CECR2: variants seen among roughly 807,000 people sequenced by gnomAD.
CECR2 encodes the protein CECR2 histone acetyl-lysine reader.
A neutral mutation model predicts 154.5 loss-of-function variants in CECR2; 30 were observed. The ratio of observed to expected loss-of-function variants is 0.19; its 90% CI spans 0.15 to 0.26. The LOEUF (loss-of-function observed/expected upper bound fraction) is 0.26. Among genes scored for constraint, CECR2 ranks in the 10% least tolerant of loss-of-function variants. CECR2 has a pLI of 1.00. For synonymous variants in CECR2, 725 were observed against 683.7 expected, an observed-to-expected ratio of 1.06 and a Z score of -0.94; for missense variants, 1,743 against 1,829.3, an observed-to-expected ratio of 0.95 and a Z score of 0.86.
At chr22:17,383,746 A>G (rs1224111422) in intron 1 of CECR2, among the ~76,000 whole-genome samples, 2 of 149,612 alleles carry the variant, frequency 1.3e-5, no homozygotes, top group Non-Finnish European at 3.0e-5. Flanking sequence ...CTCACTGCAA[A>G]CTCCGCTTCC....
chr22:17,437,206 C>A (rs1467463036), intron 1 of CECR2, among the ~76,000 whole-genome samples: 1 of 152,106 alleles, frequency 6.6e-6, no homozygotes, highest in African/African-American at 2.4e-5. Context: ...TTCCCCTTCC[C>A]CCTTGGCCTC....
At chr22:17,422,978 A>G (rs1478891088) in intron 1 of CECR2, among the ~76,000 whole-genome samples, 2 of 152,064 alleles carry the variant, frequency 1.3e-5, no homozygotes, top group African/African-American at 4.8e-5. Flanking sequence ...CCTGCCTCAT[A>G]ATTCCACTTC....
rs2056768710 is a variant in CECR2, at chr22:17,556,019, T to C, written c.*3179T>C. On this transcript the variant is annotated 3_prime_UTR_variant, in exon 19 of 19. Transcript: ENST00000262608. ...AAAAATAGTTTTTAATTCAGCTACT[T>C]TTTCCCCTCAGTTAAAAGGTAGCAG... 1 of 152,160 alleles carries C rather than the reference T, an allele frequency of 6.6e-6. No individual in the cohort carries two copies. The highest frequency in any genetic ancestry group is 6.6e-5 in the Admixed American group (1 of 15,262). The allele number at this position is 152,160 out of a possible 1,614,324, so 9.4% of individuals were successfully genotyped here. A position where few individuals can be genotyped will look rare whatever the true frequency, so the allele number is the denominator to read the frequency against.
At chr22:17,496,183 T>G (rs1179303021) in intron 2 of CECR2, among the ~76,000 whole-genome samples, 1 of 152,030 alleles carries the variant, frequency 6.6e-6, no homozygotes, top group Non-Finnish European at 1.5e-5. Context: ...CTGGGCAACA[T>G]GCTGAGACCC....
rs767178491 is a variant in CECR2, at chr22:17,548,856, C to T, written c.3569C>T (p.Pro1190Leu). Residue 1190 changes from proline (P) to leucine (L), a missense_variant, in exon 17 of 19, where the codon CCA becomes CTA. Transcript: ENST00000262608. ...ATGAGGTATTCCTACCACCCACCGC[C>T]ACAGCCTTCCTACCACCACTATCAG... Reference protein sequence around the residue: ...QGMRYSYHPPPQPSYHHYQRT... With the variant: ...QGMRYSYHPPLQPSYHHYQRT... 58 of 1,613,494 alleles carry T rather than the reference C, an allele frequency of 3.6e-5. No individual in the cohort carries two copies. The highest frequency in any genetic ancestry group is 4.6e-5 in the Non-Finnish European group (54 of 1,179,602).
At chr22:17,370,443 C>G (rs1159281502) in intron 1 of CECR2, among the ~76,000 whole-genome samples, 2 of 151,676 alleles carry the variant, frequency 1.3e-5, no homozygotes, top group East Asian at 1.9e-4. Flanking sequence ...CCCAAGCTCC[C>G]GGGAGGCGCT....
At chr22:17,445,076 T>A (rs1346693605) in intron 1 of CECR2, among the ~76,000 whole-genome samples, 1 of 152,244 alleles carries the variant, frequency 6.6e-6, no homozygotes, top group East Asian at 1.9e-4. Context: ...TGCTTTTGAA[T>A]ACTATAGTAC....
intron 1 of CECR2, among the ~76,000 whole-genome samples, chr22:17,385,968 T>C (rs1210752310): frequency 6.6e-6 from 1 of 152,198 alleles, no homozygotes; most frequent in Admixed American, 6.5e-5. Flanking sequence ...TATTTTTGGC[T>C]GCGAATGATG....
chr22:17,475,711 G>T (rs952095706), intron 1 of CECR2, among the ~76,000 whole-genome samples: 3 of 152,172 alleles, frequency 2.0e-5, no homozygotes, highest in African/African-American at 7.2e-5. Context: ...TGGCTTTGAA[G>T]ATTTTGCTTC....
intron 8 of CECR2, among the ~76,000 whole-genome samples, chr22:17,521,753 T>G (rs1420083130): frequency 7.2e-4 from 105 of 145,864 alleles, no homozygotes; most frequent in East Asian, 1.4e-3. Context: ...CTCTTTAGTT[T>G]AATTAGATCC....
chr22:17,482,242 G>A (rs1402534819), intron 2 of CECR2, among the ~76,000 whole-genome samples: 1 of 150,448 alleles, frequency 6.6e-6, no homozygotes, highest in Non-Finnish European at 1.5e-5. Flanking sequence ...GGCTAACATG[G>A]TGAAACCCCG....
At chr22:17,416,565 G>A (rs181999760) in intron 1 of CECR2, among the ~76,000 whole-genome samples, 2 of 152,188 alleles carry the variant, frequency 1.3e-5, no homozygotes, top group East Asian at 1.9e-4. Context: ...TGCTCTGGTC[G>A]CCCAGACTGG....
intron 9 of CECR2, among the ~76,000 whole-genome samples, chr22:17,533,588 C>T (rs1400191768): frequency 1.3e-5 from 2 of 151,714 alleles, no homozygotes; most frequent in African/African-American, 2.4e-5. Context: ...TGAAATCACA[C>T]CATTGCACTC....
At chr22:17,371,742 T>C (rs5992674) in intron 1 of CECR2, among the ~76,000 whole-genome samples, 33,747 of 152,126 alleles carry the variant, frequency 0.22, 5,701 homozygotes, top group African/African-American at 0.48. Flanking sequence ...GCTGGGATTA[T>C]GAGTTCAGAG....
chr22:17,403,847 CCA>C (rs1181521936), intron 1 of CECR2, among the ~76,000 whole-genome samples: 1 of 152,082 alleles, frequency 6.6e-6, no homozygotes, highest in African/African-American at 2.4e-5. Context: ...TTTAGATTTA[CCA>C]TTTAAGTCTG....
intron 1 of CECR2, among the ~76,000 whole-genome samples, chr22:17,430,321 G>C (rs2054402227): frequency 6.6e-6 from 1 of 152,152 alleles, no homozygotes; most frequent in African/African-American, 2.4e-5. Flanking sequence ...TTGCAAATGT[G>C]TATCTATAGA....
intron 1 of CECR2, among the ~76,000 whole-genome samples, chr22:17,443,329 G>A (rs994132767): frequency 6.6e-6 from 1 of 152,098 alleles, no homozygotes; most frequent in Non-Finnish European, 1.5e-5. Context: ...CTGTTTGGCT[G>A]TAACTTGTTG....
intron 7 of CECR2, among the ~76,000 whole-genome samples, chr22:17,507,012 G>A (rs188714260): frequency 1.2e-4 from 18 of 152,190 alleles, no homozygotes; most frequent in Non-Finnish European, 2.2e-4. Context: ...ATTTCATATC[G>A]ATAATAATAT....
chr22:17,361,386 T>C (rs1178842654), intron 1 of CECR2, among the ~76,000 whole-genome samples: 2 of 151,824 alleles, frequency 1.3e-5, no homozygotes, highest in East Asian at 3.9e-4. Context: ...CTCAGGAGGC[T>C]GAGGCAGGAG....
Sources: gnomAD v4.1 joint callset for allele counts (sites outside exome capture counted in the v4.1 genomes callset) on GRCh38, gnomAD v4.1.1 for gene constraint, MANE v1.5 for transcripts, NCBI Gene and HGNC (gene_info 2026-07-23, HGNC 2026-07-21) for gene names.